The following ADCY5 variants were observed in gnomAD, a reference collection of about 807,000 sequenced individuals.
The protein encoded by ADCY5 is adenylate cyclase type 5.
Under a neutral mutation model 119.7 loss-of-function variants are expected in ADCY5, and 30 were observed. That is an observed-to-expected ratio of 0.25 (90% CI 0.19 to 0.34). The LOEUF (loss-of-function observed/expected upper bound fraction) is 0.34, where lower values mean the gene tolerates loss of function less well. Ranked by LOEUF, ADCY5 falls within the 10% of genes least tolerant of loss-of-function variation. The pLI is 1.00. For missense variants in ADCY5, 1,324 were observed against 1,775.2 expected, an observed-to-expected ratio of 0.75 and a Z score of 4.57; for synonymous variants, 753 against 762.2, an observed-to-expected ratio of 0.99 and a Z score of 0.20.
At chr3:123,284,867 C>T (rs1938628301) in intron 20 of ADCY5, 131 bp from the exon 21 acceptor site, 1 of 1,247,050 alleles carries the variant, frequency 8.0e-7, no homozygotes, top group South Asian at 1.3e-5. Context: ...GCAGCTGCCC[C>T]ACTGAGGTGC....
rs1938575012 is a variant in ADCY5 at position 123,284,195 on chromosome 3, C to G, written c.*413G>C. Reference sequence around the variant, plus strand: ...CACATAGAAAAGCAGACCCCTGGGGCCCCCTAGGCTCTCCCAGGCCACATT... The same window carrying G: ...CACATAGAAAAGCAGACCCCTGGGGGCCCCTAGGCTCTCCCAGGCCACATT... On this transcript the variant is annotated 3_prime_UTR_variant, in exon 21 of 21. Transcript: ENST00000462833. The G allele has an allele frequency of 5.9e-6, 1 of 168,236 alleles. No individual in the cohort carries two copies. The allele number at this position is 168,236 out of a possible 1,614,324, so 10.4% of individuals were successfully genotyped here. A position where few individuals can be genotyped will look rare whatever the true frequency, so the allele number is the denominator to read the frequency against.
intron 1 of ADCY5, among the ~76,000 whole-genome samples, chr3:123,358,650 T>C (rs181317451): frequency 1.3e-5 from 2 of 152,022 alleles, no homozygotes; most frequent in East Asian, 3.9e-4. Context: ...ATGGATGGGG[T>C]CCGAGTGGAC....
chr3:123,332,922 CTT>C (rs74595302), intron 3 of ADCY5, among the ~76,000 whole-genome samples: 14 of 140,644 alleles, frequency 1.0e-4, no homozygotes, highest in Non-Finnish European at 9.4e-5. Context: ...ACCTGGCTAA[CTT>C]TTTTTTTTTT....
intron 14 of ADCY5, among the ~76,000 whole-genome samples, chr3:123,301,953 G>C (rs1400548437): frequency 1.3e-5 from 2 of 152,194 alleles, no homozygotes; most frequent in Admixed American, 1.3e-4. Flanking sequence ...ACCTGCCTAG[G>C]TGAGCTGGGG....
intron 1 of ADCY5, among the ~76,000 whole-genome samples, chr3:123,395,996 A>G (rs1944535223): frequency 1.5e-5 from 1 of 68,304 alleles, no homozygotes; most frequent in Non-Finnish European, 3.2e-5. Context: ...AAGAAACAGA[A>G]AGAAAGAAAG....
At chr3:123,408,041 A>G (rs573829830) in intron 1 of ADCY5, among the ~76,000 whole-genome samples, 2 of 152,242 alleles carry the variant, frequency 1.3e-5, no homozygotes, top group South Asian at 4.1e-4. Flanking sequence ...AAACGCATCA[A>G]TTATGTACAG....
intron 3 of ADCY5, among the ~76,000 whole-genome samples, chr3:123,345,416 T>C (rs1306937265): frequency 6.6e-6 from 1 of 152,220 alleles, no homozygotes; most frequent in East Asian, 1.9e-4. Context: ...GAGCGAAACC[T>C]GCACAAAGCT....
At chr3:123,415,446 T>C (rs866811839) in intron 1 of ADCY5, among the ~76,000 whole-genome samples, 2 of 152,172 alleles carry the variant, frequency 1.3e-5, no homozygotes, top group Non-Finnish European at 2.9e-5. Context: ...GAGGGCTTCA[T>C]GGCACAAAAG....
chr3:123,343,347 A>G (rs564955883), intron 3 of ADCY5, among the ~76,000 whole-genome samples: 3 of 152,310 alleles, frequency 2.0e-5, no homozygotes, highest in East Asian at 1.9e-4. Flanking sequence ...GTGAATGGCC[A>G]TCCCATGTTA....
chr3:123,375,943 C>T (rs1325652951), intron 1 of ADCY5, among the ~76,000 whole-genome samples: 2 of 151,786 alleles, frequency 1.3e-5, no homozygotes, highest in African/African-American at 2.4e-5. Flanking sequence ...TCCACGCGAG[C>T]CTTTGGAGCA....
rs549922219 is a variant in ADCY5, at chr3:123,432,143, C to T, written c.1134+15269G>A. On this transcript the variant is annotated intron_variant, in intron 1 of 20. Transcript: ENST00000462833. ...TGAAAAATTGAGGCTGACACATGCA[C>T]CATAATACATGGCAATAAACTACAA... is the stretch of plus-strand genomic sequence containing the variant. Among the ~76,000 whole-genome samples, 6 of 152,300 alleles carry T rather than the reference C, an allele frequency of 3.9e-5. No homozygotes were observed. The South Asian group carries it at 1.0e-3, about 26-fold the overall frequency.
At chr3:123,415,206 G>A (rs1945157401) in intron 1 of ADCY5, among the ~76,000 whole-genome samples, 1 of 152,190 alleles carries the variant, frequency 6.6e-6, no homozygotes, top group Admixed American at 6.5e-5. Context: ...GGAGAGAAAT[G>A]CATTTGTTAG....
chr3:123,440,440 C>T (rs1216947032), intron 1 of ADCY5, among the ~76,000 whole-genome samples: 2 of 151,864 alleles, frequency 1.3e-5, no homozygotes, highest in African/African-American at 2.4e-5. Flanking sequence ...CTACTGTCTC[C>T]TTGTGTTTGT....
Position 123,352,465 on chromosome 3 carries a change from C to T in ADCY5, c.1251G>A (p.Ala417=), listed in dbSNP as rs200302997. ...GGTTCTCCCGCTGCGAGTGGAGCCG[C>T]GCCTGGATGCACTCTCGGGTCTCCT... ...AFQETRECIQ[A]RLHSQRENQQ... is the part of the protein sequence containing the mutation. The change falls in exon 2 of 21, where the codon GCG becomes GCA. Residue 417 remains alanine (A), a synonymous_variant. Transcript: ENST00000462833. The surrounding 1 kb of genome is among the most constrained non-coding windows in gnomAD (Gnocchi z 4.8). 1.4e-5 allele frequency: 23 copies of T among 1,613,568 alleles called. No individual in the cohort carries two copies. Among genetic ancestry groups the T allele is most frequent in the East Asian group, 6.7e-5 (3 of 44,896 alleles).
chr3:123,303,175 C>A lies in ADCY5; in HGVS notation c.2604G>T (p.Glu868Asp), dbSNP rs1488274089. 2 of 1,613,866 alleles carry A rather than the reference C, an allele frequency of 1.2e-6. No individual in the cohort carries two copies. Among genetic ancestry groups the A allele is most frequent in the Non-Finnish European group, 1.7e-6 (2 of 1,180,022 alleles). Reference sequence around the variant, plus strand: ...TGACCTGGCTCGCGCTGATGTTGTGCTCCTGTGCCAAGCAGCCCAGCAGGT... The same window carrying A: ...TGACCTGGCTCGCGCTGATGTTGTGATCCTGTGCCAAGCAGCCCAGCAGGT... ...SRDLLGCLAQ[E>D]HNISASQVNA... Residue 868 changes from glutamate (E) to aspartate (D), a missense_variant, in exon 14 of 21, where the codon GAG becomes GAT. Around this residue, in one of 6 missense-constraint regions of ADCY5, gnomAD observed 424 missense variants for 546.8 expected, o/e 0.78. Transcript: ENST00000462833.
chr3:123,352,385 C>A lies in ADCY5; in HGVS notation c.1284+47G>T. The stretch of plus-strand genomic sequence containing the variant: ...CCAGGCACTCAGCTGAGGTACATCT[C>A]AGGGCTCGACTCCGTCCCACTGTGC... On this transcript the variant is annotated intron_variant, in intron 2 of 20. Transcript: ENST00000462833. The surrounding 1 kb of genome is among the most constrained non-coding windows in gnomAD (Gnocchi z 4.8). 3.2e-6 allele frequency: 5 copies of A among 1,564,882 alleles called. No homozygotes were observed. Among genetic ancestry groups the A allele is most frequent in the Non-Finnish European group, 4.3e-6 (5 of 1,155,984 alleles).
At chr3:123,442,442 C>T (rs959004078) in intron 1 of ADCY5, among the ~76,000 whole-genome samples, 3 of 152,232 alleles carry the variant, frequency 2.0e-5, no homozygotes, top group Admixed American at 1.3e-4. Flanking sequence ...GCCACACCCT[C>T]GGACAGAGGG....
At chr3:123,402,874 G>A (rs916168448) in intron 1 of ADCY5, among the ~76,000 whole-genome samples, 1 of 150,940 alleles carries the variant, frequency 6.6e-6, no homozygotes, top group Non-Finnish European at 1.5e-5. Flanking sequence ...AAAAAAAGGA[G>A]CCCTAGTCGT....
intron 1 of ADCY5, among the ~76,000 whole-genome samples, chr3:123,386,055 C>T (rs1203933209): frequency 6.6e-6 from 1 of 152,160 alleles, no homozygotes; most frequent in Non-Finnish European, 1.5e-5. Context: ...CGTGAGAGCC[C>T]AAGCAGGCCC....
Sources: allele counts gnomAD v4.1 joint callset (sites outside exome capture counted in the v4.1 genomes callset), GRCh38; gene constraint gnomAD v4.1.1; regional missense constraint gnomAD v4.1.1; non-coding constraint Gnocchi (gnomAD v3.1); transcripts MANE v1.5; gene names NCBI Gene and HGNC (gene_info 2026-07-23, HGNC 2026-07-21).